Variants in HYDIN observed in about 807,000 individuals in gnomAD.
HYDIN encodes axonemal central pair apparatus protein HYDIN.
In HYDIN, 132 loss-of-function variants were observed where a neutral mutation model predicts 403.9. That is an observed-to-expected ratio of 0.33 (90% CI 0.28 to 0.38). The LOEUF (loss-of-function observed/expected upper bound fraction) is 0.38. HYDIN is among the 10% of genes least tolerant of loss of function. The pLI, the probability that HYDIN is intolerant of heterozygous loss-of-function variation, is 1.00. For synonymous variants in HYDIN, 1,202 were observed against 1,891.7 expected, an observed-to-expected ratio of 0.64 and a Z score of 9.46; for missense variants, 2,827 against 5,009.5, an observed-to-expected ratio of 0.56 and a Z score of 13.15.
intron 1 of HYDIN, among the ~76,000 whole-genome samples, chr16:71,223,595 C>A (rs1394030282): frequency 1.3e-5 from 2 of 151,208 alleles, no homozygotes; most frequent in African/African-American, 4.9e-5. Context: ...GGACTAGCAT[C>A]CGGAATCTAC....
At chr16:71,207,898 A>C (rs1895527) in intron 1 of HYDIN, among the ~76,000 whole-genome samples, 54,791 of 152,092 alleles carry the variant, frequency 0.36, 10,320 homozygotes, top group East Asian at 0.57. Flanking sequence ...ATGCAGCCAA[A>C]ACAGGTGCAC....
intron 47 of HYDIN, among the ~76,000 whole-genome samples, chr16:70,909,443 T>TA (rs2076628006): frequency 6.6e-6 from 1 of 151,744 alleles, no homozygotes; most frequent in Non-Finnish European, 1.5e-5. Context: ...AAGAAAACTT[T>TA]AAGAGTTGAA....
chr16:70,993,550 G>T (rs1455368304), intron 23 of HYDIN, among the ~76,000 whole-genome samples: 2 of 151,866 alleles, frequency 1.3e-5, no homozygotes, highest in African/African-American at 4.8e-5. Context: ...GTATTCCATA[G>T]TGTGGATGTT....
chr16:70,859,360 T>C (rs2143611740), intron 71 of HYDIN, among the ~76,000 whole-genome samples: 1 of 152,318 alleles, frequency 6.6e-6, no homozygotes. Context: ...TTGGGTGAGT[T>C]GGCCCCCTTG....
intron 1 of HYDIN, among the ~76,000 whole-genome samples, chr16:71,219,306 T>C (rs763309553): frequency 6.6e-6 from 1 of 152,004 alleles, no homozygotes; most frequent in Non-Finnish European, 1.5e-5. Flanking sequence ...AGATGCCATT[T>C]TAAAAAAAAA....
chr16:71,146,393 T>A (rs866321478), intron 7 of HYDIN, among the ~76,000 whole-genome samples: 3 of 120,522 alleles, frequency 2.5e-5, no homozygotes, highest in Middle Eastern at 3.5e-3. Context: ...AGAAAAAAAA[T>A]GTATCACTGA....
At chr16:71,113,444 T>G (rs1166209867) in intron 10 of HYDIN, 3 of 152,124 alleles carry the variant, frequency 2.0e-5, no homozygotes, top group Admixed American at 6.5e-5. Flanking sequence ...TACAAGAACT[T>G]CTATTAAATA....
intron 18 of HYDIN, among the ~76,000 whole-genome samples, chr16:71,058,936 T>C (rs972000099): frequency 6.7e-4 from 102 of 152,332 alleles, no homozygotes; most frequent in Non-Finnish European, 1.1e-3. Context: ...TAACTAAGTA[T>C]GTTTTTGCTT....
intron 18 of HYDIN, among the ~76,000 whole-genome samples, chr16:71,050,493 G>C (rs1421462813): frequency 1.3e-5 from 2 of 151,978 alleles, no homozygotes; most frequent in Non-Finnish European, 2.9e-5. Context: ...TTGGTAACTA[G>C]TGAGTGATAC....
At chr16:70,990,077 T>C (rs1439690210) in intron 25 of HYDIN, among the ~76,000 whole-genome samples, 5 of 152,004 alleles carry the variant, frequency 3.3e-5, no homozygotes, top group Admixed American at 1.3e-4. Flanking sequence ...CACAGAGGTG[T>C]TGGGAAAAGT....
chr16:71,126,942 C>T (rs2084489049), intron 9 of HYDIN, among the ~76,000 whole-genome samples: 3 of 151,888 alleles, frequency 2.0e-5, no homozygotes, highest in Admixed American at 2.0e-4. Context: ...TGCATTTGTG[C>T]CAAGAAGTCT....
chr16:70,855,872 A>G (rs1429969966), intron 72 of HYDIN, among the ~76,000 whole-genome samples: 1 of 152,290 alleles, frequency 6.6e-6, no homozygotes, highest in Non-Finnish European at 1.5e-5. Flanking sequence ...TTTTGGTATA[A>G]ATATGTCCCG....
intron 23 of HYDIN, among the ~76,000 whole-genome samples, chr16:71,016,431 C>G (rs958283489): frequency 1.3e-5 from 2 of 151,860 alleles, no homozygotes; most frequent in African/African-American, 4.8e-5. Context: ...CACCTCATAC[C>G]TGTTAGGACG....
At position 70,884,077 on chromosome 16, in the gene HYDIN, G is replaced by A; in HGVS notation, c.9822C>T (p.Ser3274=). 6.2e-7 allele frequency: 1 copy of A among 1,611,716 alleles called. No individual in the cohort carries two copies. Among genetic ancestry groups the A allele is most frequent in the Non-Finnish European group, 8.5e-7 (1 of 1,179,016 alleles). ...GMFTVYPGFG[S]IPSGGQQVIN... ...TGACCTGCTGTCCTCCGGAAGGAAT[G>A]GAGCCAAACCCAGGGTACACGGTGA... is the stretch of plus-strand genomic sequence containing the variant. The change falls in exon 59 of 86, where the codon TCC becomes TCT. Residue 3274 remains serine, a synonymous_variant. Coordinates refer to ENST00000393567, the MANE Select transcript of HYDIN (RefSeq NM_001270974.2).
chr16:71,005,083 G>T lies in HYDIN; in HGVS notation c.3645-12873C>A, dbSNP rs533679356. ...TGATTTCTGACAGAACAGATTCTTT[G>T]TTGAGATCTGCTTTAAGCCCTAGTA... On this transcript the variant is annotated intron_variant, in intron 23 of 85. Transcript: ENST00000393567. 5.9e-3 allele frequency among the ~76,000 whole-genome samples: 895 copies of T among 152,250 alleles called. 2 individuals carry two copies. The highest frequency in any genetic ancestry group is 9.7e-3 in the Non-Finnish European group (657 of 68,002).
chr16:70,999,854 G>C (rs570913146), intron 23 of HYDIN, among the ~76,000 whole-genome samples: 1 of 152,290 alleles, frequency 6.6e-6, no homozygotes, highest in African/African-American at 2.4e-5. Flanking sequence ...CAGGTGAGTA[G>C]TGGAGAAATG....
rs188428358 is a variant in HYDIN, at chr16:70,956,039, C to T, written c.6143-491G>A. ...TTCACCATGTTGGCCAGGCTGGTCT[C>T]GAACTCCTAACTTCAAATGATCCAC... On this transcript the variant is annotated intron_variant, in intron 39 of 85. Coordinates refer to ENST00000393567, the MANE Select transcript of HYDIN (RefSeq NM_001270974.2). Among the ~76,000 whole-genome samples the T allele has an allele frequency of 4.6e-3, 705 of 152,210 alleles. 4 individuals carry two copies. The highest frequency in any genetic ancestry group is 0.016 in the African/African-American group (659 of 41,518).
At chr16:70,870,616 C>T (rs555616275) in intron 65 of HYDIN, among the ~76,000 whole-genome samples, 1 of 152,202 alleles carries the variant, frequency 6.6e-6, no homozygotes, top group African/African-American at 2.4e-5. Context: ...GGAACCTCCA[C>T]TGTGCCCAGC....
intron 1 of HYDIN, among the ~76,000 whole-genome samples, chr16:71,214,413 ATG>A (rs2144740285): frequency 6.6e-6 from 1 of 152,328 alleles, no homozygotes; most frequent in East Asian, 1.9e-4. Flanking sequence ...TAAGATTTTT[ATG>A]AGAATGAAAA....
Sources: gnomAD v4.1 joint callset for allele counts (sites outside exome capture counted in the v4.1 genomes callset) on GRCh38, gnomAD v4.1.1 for gene constraint, MANE v1.5 for transcripts, NCBI Gene and HGNC (gene_info 2026-07-23, HGNC 2026-07-21) for gene names.